WDR64: variants seen among roughly 807,000 people sequenced by gnomAD.
The protein encoded by WDR64 is WD repeat domain 64.
In WDR64, 112 loss-of-function variants were observed where a neutral mutation model predicts 139.3. The ratio of observed to expected loss-of-function variants is 0.80; its 90% confidence interval spans 0.69 to 0.94. The LOEUF (loss-of-function observed/expected upper bound fraction) is 0.94, where lower values mean the gene tolerates loss of function less well. Ranked by LOEUF, WDR64 falls within the 40% of genes least tolerant of loss-of-function variation. The pLI is 0.00. For synonymous variants in WDR64, 444 were observed against 437.7 expected (o/e 1.01, Z -0.18); for missense variants, 1,206 against 1,293.1 (o/e 0.93, Z 1.03).
rs772947491 is a variant in WDR64 at position 241,723,285 on chromosome 1, C to T, written c.1055-12C>T. 1 of 1,613,308 alleles carries T rather than the reference C, an allele frequency of 6.2e-7. No individual in the cohort carries two copies. Among genetic ancestry groups the T allele is most frequent in the Non-Finnish European group, 8.5e-7 (1 of 1,179,614 alleles). The stretch of plus-strand genomic sequence containing the variant: ...CAGAAAACCAACAATCTTTCCCTGT[C>T]CTCCTTTTCAGGAGATGATAAGGTC... On this transcript the variant is annotated splice_polypyrimidine_tract_variant and intron_variant, in intron 9 of 27. Transcript: ENST00000437684.
chr1:241,749,151 G>A (rs892047947), intron 13 of WDR64, among the ~76,000 whole-genome samples: 1 of 152,126 alleles, frequency 6.6e-6, no homozygotes, highest in African/African-American at 2.4e-5. Context: ...ACAGATTACT[G>A]GAATGATCTT....
At chr1:241,746,515 G>C (rs1476978218) in intron 13 of WDR64, among the ~76,000 whole-genome samples, 1 of 148,758 alleles carries the variant, frequency 6.7e-6, no homozygotes, top group Non-Finnish European at 1.5e-5. Flanking sequence ...CCATAGAGTG[G>C]GTGGTGTTTT....
intron 8 of WDR64, 126 bp from the exon 9 acceptor site, chr1:241,711,676 G>T (rs973897962): frequency 1.2e-6 from 1 of 847,032 alleles, no homozygotes. Flanking sequence ...CTTGTAATAC[G>T]GCCTGGGGGC....
intron 8 of WDR64, among the ~76,000 whole-genome samples, chr1:241,693,990 C>T (rs1031691698): frequency 3.9e-5 from 6 of 152,048 alleles, no homozygotes; most frequent in Non-Finnish European, 8.8e-5. Context: ...TCCTTCCCCA[C>T]CTTTACATTT....
chr1:241,769,644 A>G (rs1574083957), intron 17 of WDR64, 139 bp downstream of exon 17: 6 of 753,584 alleles, frequency 8.0e-6, no homozygotes, highest in Non-Finnish European at 1.3e-5. Context: ...TAAAGAAGGG[A>G]CCACTGAAAA....
chr1:241,654,582 T>TC (rs1211874577), intron 1 of WDR64, among the ~76,000 whole-genome samples: 15 of 152,204 alleles, frequency 9.9e-5, no homozygotes, highest in Admixed American at 9.8e-4. Context: ...TGCTTCTTTT[T>TC]CTCCTTGAGC....
At chr1:241,711,177 C>T (rs1286591304) in intron 8 of WDR64, among the ~76,000 whole-genome samples, 1 of 149,512 alleles carries the variant, frequency 6.7e-6, no homozygotes, top group Admixed American at 6.7e-5. Context: ...ACAGAGGTTA[C>T]AGTGAGCCAA....
At chr1:241,655,217 T>C (rs2148048001) in intron 1 of WDR64, among the ~76,000 whole-genome samples, 1 of 152,218 alleles carries the variant, frequency 6.6e-6, no homozygotes, top group East Asian at 1.9e-4. Flanking sequence ...ACCCTGTCTC[T>C]ACTAAAAATA....
In WDR64 at chr1:241,787,880, G is replaced by A; in HGVS notation, c.2737G>A (p.Gly913Arg). Residue 913 changes from glycine to arginine, a missense_variant, in exon 24 of 28, where the codon GGA (glycine) becomes AGA (arginine). Gly to Arg is a moderately radical substitution (Grantham distance 125, BLOSUM62 -2). Transcript: ENST00000437684. Reference sequence around the variant, plus strand: ...GCATGCCCTCAATGGACATTATTGTGGATATTTTGGACAGCGAAGGCTCTT... The same window carrying A: ...GCATGCCCTCAATGGACATTATTGTAGATATTTTGGACAGCGAAGGCTCTT... ...LWHALNGHYC[G>R]YFGQRRLFEL... 1 of 1,605,356 alleles carries A rather than the reference G, an allele frequency of 6.2e-7. No individual in the cohort carries two copies.
chr1:241,688,137 T>C (rs568394694), intron 8 of WDR64, among the ~76,000 whole-genome samples: 1 of 152,334 alleles, frequency 6.6e-6, no homozygotes, highest in South Asian at 2.1e-4. Flanking sequence ...ACAACATGAA[T>C]GAATATCAAA....
At chr1:241,718,399 T>G (rs1377334490) in intron 9 of WDR64, among the ~76,000 whole-genome samples, 1 of 152,126 alleles carries the variant, frequency 6.6e-6, no homozygotes, top group Non-Finnish European at 1.5e-5. Context: ...TAAACCTGGG[T>G]CTTCTGAAAA....
chr1:241,738,407 C>T lies in WDR64; in HGVS notation c.1239C>T (p.Val413=). Residue 413 remains valine (V), a synonymous_variant, in exon 11 of 28, where the codon GTC becomes GTT. Transcript: ENST00000437684. The stretch of plus-strand genomic sequence containing the variant: ...TACAAACTCTTTCACTATTACAAGT[C>T]TTCCATGACAGCCAGGGAGGACCAG... The part of the protein sequence containing the change: ...WDIQTLSLLQ[V]FHDSQGGPGD... The T allele has an allele frequency of 6.2e-7, 1 of 1,613,894 alleles. No individual in the cohort carries two copies. Among genetic ancestry groups the T allele is most frequent in the Non-Finnish European group, 8.5e-7 (1 of 1,179,876 alleles).
intron 14 of WDR64, among the ~76,000 whole-genome samples, chr1:241,756,473 T>C (rs1670196674): frequency 6.6e-6 from 1 of 152,226 alleles, no homozygotes; most frequent in Non-Finnish European, 1.5e-5. Context: ...TGGGGTTTTC[T>C]AAATATAGAA....
intron 8 of WDR64, among the ~76,000 whole-genome samples, chr1:241,711,395 C>G (rs998544884): frequency 7.9e-5 from 12 of 152,110 alleles, no homozygotes; most frequent in African/African-American, 2.9e-4. Context: ...CAGGACTTGA[C>G]AGCAGATTGG....
Position 241,772,938 on chromosome 1 carries a change from G to GA in WDR64, c.2430+9dup, listed in dbSNP as rs1252232784. 1 of 1,547,632 alleles carries GA rather than the reference G, an allele frequency of 6.5e-7. No individual in the cohort carries two copies. The highest frequency in any genetic ancestry group is 2.0e-5 in the Admixed American group (1 of 50,512). On this transcript the variant is annotated splice_region_variant and intron_variant, in intron 20 of 27. Coordinates refer to ENST00000437684, the MANE Select transcript of WDR64 (RefSeq NM_001367482.1). ...CCGCTTGTGGACTCTGGAGGTAATG[G>GA]AACCCAGCAAGTCTGGGAATAGGAA...
intron 22 of WDR64, among the ~76,000 whole-genome samples, chr1:241,782,989 A>C (rs1315802178): frequency 6.6e-6 from 1 of 152,142 alleles, no homozygotes; most frequent in Non-Finnish European, 1.5e-5. Context: ...CTAATCATCA[A>C]TTAAATGAAT....
chr1:241,687,362 A>T, intron 7 of WDR64, 99 bp from the exon 8 acceptor site: 1 of 1,388,584 alleles, frequency 7.2e-7, no homozygotes, highest in Non-Finnish European at 9.9e-7. Flanking sequence ...ATTTGGGTTT[A>T]GTACAATTCA....
chr1:241,677,423 T>G (rs1451092813), intron 4 of WDR64: 1 of 398,496 alleles, frequency 2.5e-6, no homozygotes, highest in East Asian at 3.6e-5. Context: ...GCTTTAGTGA[T>G]CTCTCTGATC....
At position 241,738,347 on chromosome 1, in the gene WDR64, T is replaced by G. The variant is rs1187938815; in HGVS notation, c.1195-16T>G. ...TGAGTATAAATAGTGGTAAACTGTG[T>G]TTGTTATTCTTCCAGGTTTTCCGGG... is the stretch of plus-strand genomic sequence containing the variant. On this transcript the variant is annotated splice_polypyrimidine_tract_variant and intron_variant, in intron 10 of 27. Transcript: ENST00000437684. The G allele has an allele frequency of 6.2e-7, 1 of 1,610,442 alleles. No homozygotes were observed.
Sources: allele counts gnomAD v4.1 joint callset (sites outside exome capture counted in the v4.1 genomes callset), GRCh38; gene constraint gnomAD v4.1.1; transcripts MANE v1.5; gene names NCBI Gene and HGNC (gene_info 2026-07-23, HGNC 2026-07-21).